The following ARHGAP15 variants were observed in gnomAD, a reference collection of about 807,000 sequenced individuals.
ARHGAP15 encodes rho GTPase-activating protein 15.
Under a neutral mutation model 63.7 loss-of-function variants are expected in ARHGAP15, and 51 were observed. The ratio of observed to expected loss-of-function variants is 0.80; its 90% confidence interval spans 0.64 to 1.01. The LOEUF is 1.01. Ranked by LOEUF, ARHGAP15 falls within the 50% of genes least tolerant of loss-of-function variation. ARHGAP15 has a pLI of 0.00. For synonymous variants in ARHGAP15, 191 were observed against 193.8 expected (o/e 0.99, Z 0.12); for missense variants, 560 against 564.6 (o/e 0.99, Z 0.08).
rs1056772413 is a variant in ARHGAP15, at chr2:143,470,243, T to A, written c.704-17130T>A. On this transcript the variant is annotated intron_variant, in intron 8 of 13. Coordinates refer to ENST00000295095, the MANE Select transcript of ARHGAP15 (RefSeq NM_018460.4). ...TTTGGCACTAGTATCTGTGAATAGG[T>A]CAATAAGGAGAAAAATACTACAACT... Among the ~76,000 whole-genome samples, 2 of 150,190 alleles carry A rather than the reference T, an allele frequency of 1.3e-5. 1 individual carries two copies. The highest frequency in any genetic ancestry group is 1.3e-4 in the Admixed American group (2 of 15,090).
At chr2:143,279,551 T>C (rs775034361) in intron 6 of ARHGAP15, among the ~76,000 whole-genome samples, 6 of 152,180 alleles carry the variant, frequency 3.9e-5, no homozygotes, top group Admixed American at 2.0e-4. Context: ...AAATCTTGAA[T>C]CTCTCATAAA....
chr2:143,596,626 T>C (rs192643224), intron 11 of ARHGAP15, among the ~76,000 whole-genome samples: 2 of 152,274 alleles, frequency 1.3e-5, no homozygotes, highest in African/African-American at 4.8e-5. Context: ...AAGTTATTTA[T>C]ATATATTTAT....
At chr2:143,452,302 G>C (rs1012637802) in intron 8 of ARHGAP15, among the ~76,000 whole-genome samples, 4 of 151,912 alleles carry the variant, frequency 2.6e-5, no homozygotes, top group African/African-American at 9.7e-5. Flanking sequence ...CTTTGATATA[G>C]GTAGGATCTG....
chr2:143,348,390 T>A (rs2105307137), intron 6 of ARHGAP15, among the ~76,000 whole-genome samples: 1 of 152,296 alleles, frequency 6.6e-6, no homozygotes, highest in Middle Eastern at 3.4e-3. Flanking sequence ...AGTGCCTTTG[T>A]CATTCTTTAT....
intron 5 of ARHGAP15, among the ~76,000 whole-genome samples, chr2:143,242,439 A>AT (rs1351094347): frequency 2.0e-5 from 3 of 152,250 alleles, no homozygotes; most frequent in Admixed American, 6.5e-5. Context: ...ATGTAAGACT[A>AT]TATCAGTTGA....
At chr2:143,287,782 G>A (rs2105105923) in intron 6 of ARHGAP15, among the ~76,000 whole-genome samples, 1 of 152,092 alleles carries the variant, frequency 6.6e-6, no homozygotes, top group South Asian at 2.1e-4. Context: ...CAGCCTGGGG[G>A]ACAATAGCAA....
intron 13 of ARHGAP15, among the ~76,000 whole-genome samples, chr2:143,714,439 A>G (rs1022333933): frequency 6.6e-6 from 1 of 152,220 alleles, no homozygotes; most frequent in African/African-American, 2.4e-5. Context: ...GGTCTCTGAC[A>G]TGGCCTGGAG....
chr2:143,603,406 T>C (rs1432727625), intron 11 of ARHGAP15, among the ~76,000 whole-genome samples: 1 of 152,216 alleles, frequency 6.6e-6, no homozygotes, highest in Non-Finnish European at 1.5e-5. Flanking sequence ...AGTAACCTGT[T>C]TGGACGCAGC....
At chr2:143,641,891 G>A (rs947924051) in intron 12 of ARHGAP15, among the ~76,000 whole-genome samples, 4 of 152,068 alleles carry the variant, frequency 2.6e-5, no homozygotes, top group African/African-American at 9.7e-5. Flanking sequence ...ATATGCACCA[G>A]GATGTATACA....
At chr2:143,296,149 G>A (rs1257988242) in intron 6 of ARHGAP15, among the ~76,000 whole-genome samples, 1 of 151,968 alleles carries the variant, frequency 6.6e-6, no homozygotes, top group Non-Finnish European at 1.5e-5. Flanking sequence ...ATCAAGGGAT[G>A]AGCCCCTGGA....
intron 12 of ARHGAP15, among the ~76,000 whole-genome samples, chr2:143,688,841 CTTCT>C (rs541516181): frequency 1.5e-4 from 23 of 152,030 alleles, no homozygotes; most frequent in East Asian, 1.4e-3. Context: ...TTTTTTTAGT[CTTCT>C]TTTTCTCTGA....
intron 6 of ARHGAP15, among the ~76,000 whole-genome samples, chr2:143,403,926 T>A (rs1023940063): frequency 2.8e-4 from 7 of 24,610 alleles, no homozygotes; most frequent in Non-Finnish European, 5.1e-4. Context: ...CAGGATGTAA[T>A]TTTTTTTTTT....
chr2:143,152,622 T>C (rs1689870057), intron 1 of ARHGAP15, among the ~76,000 whole-genome samples: 1 of 152,044 alleles, frequency 6.6e-6, no homozygotes, highest in Admixed American at 6.6e-5. Context: ...TTTCTGTTGA[T>C]AGAAATCTTT....
At chr2:143,208,552 T>G (rs1231556713) in intron 3 of ARHGAP15, among the ~76,000 whole-genome samples, 1 of 152,194 alleles carries the variant, frequency 6.6e-6, no homozygotes, top group Non-Finnish European at 1.5e-5. Flanking sequence ...ATGATGTTAT[T>G]TATGCCACAT....
At chr2:143,403,748 T>A (rs1487551578) in intron 6 of ARHGAP15, among the ~76,000 whole-genome samples, 2 of 151,856 alleles carry the variant, frequency 1.3e-5, no homozygotes, top group African/African-American at 4.8e-5. Context: ...GTGTGTAATT[T>A]TAAATACAAT....
chr2:143,139,347 G>A (rs924053406), intron 1 of ARHGAP15, among the ~76,000 whole-genome samples: 1 of 152,044 alleles, frequency 6.6e-6, no homozygotes, highest in Non-Finnish European at 1.5e-5. Context: ...TACTCAAGCA[G>A]CATTTATTCC....
intron 12 of ARHGAP15, among the ~76,000 whole-genome samples, chr2:143,646,297 A>G (rs908636686): frequency 6.6e-6 from 1 of 152,080 alleles, no homozygotes; most frequent in Non-Finnish European, 1.5e-5. Flanking sequence ...GTGGAATGCA[A>G]AAGAAAAAAA....
intron 12 of ARHGAP15, among the ~76,000 whole-genome samples, chr2:143,630,539 CTTT>C (rs1699023460): frequency 1.3e-5 from 2 of 152,028 alleles, no homozygotes; most frequent in Admixed American, 1.3e-4. Context: ...CTTCTGGTTA[CTTT>C]CATAACTCTA....
intron 6 of ARHGAP15, among the ~76,000 whole-genome samples, chr2:143,333,586 A>G (rs1684641877): frequency 6.6e-6 from 1 of 152,202 alleles, no homozygotes; most frequent in Non-Finnish European, 1.5e-5. Context: ...GAAACTCAAA[A>G]GTAAATATAC....
Sources: allele counts gnomAD v4.1 joint callset (sites outside exome capture counted in the v4.1 genomes callset), GRCh38; gene constraint gnomAD v4.1.1; transcripts MANE v1.5; gene names NCBI Gene and HGNC (gene_info 2026-07-23, HGNC 2026-07-21).